TRIO: variants seen among roughly 807,000 people sequenced by gnomAD.
TRIO encodes the protein trio Rho guanine nucleotide exchange factor.
TRIO carries 58 observed loss-of-function variants against 351.9 expected under a neutral mutation model. That is an observed-to-expected ratio of 0.16 (90% CI 0.13 to 0.21). The LOEUF is 0.21. Ranked by LOEUF, TRIO falls within the 10% of genes least tolerant of loss-of-function variation. The pLI, the probability that TRIO is intolerant of heterozygous loss-of-function variation, is 1.00. For missense variants in TRIO, 3,201 were observed against 4,027.8 expected (o/e 0.79, Z 5.56); for synonymous variants, 1,758 against 1,595.7 (o/e 1.10, Z -2.42).
intron 9 of TRIO, among the ~76,000 whole-genome samples, chr5:14,330,451 C>T (rs796233330): frequency 6.6e-6 from 1 of 152,280 alleles, no homozygotes; most frequent in African/African-American, 2.4e-5. Flanking sequence ...TTATACAATA[C>T]CCAGTCAGTT....
rs187555877 is a variant in TRIO, at chr5:14,456,065, T to C, written c.5204-4954T>C. Among the ~76,000 whole-genome samples the C allele has an allele frequency of 3.4e-3, 512 of 152,320 alleles. 2 individuals carry two copies. The highest frequency in any genetic ancestry group is 0.012 in the African/African-American group (485 of 41,588). On this transcript the variant is annotated intron_variant, in intron 34 of 56. Coordinates refer to ENST00000344204, the MANE Select transcript of TRIO (RefSeq NM_007118.4). ...TCAAGCGCGGTGCGGGCGGGCTGGC[T>C]GGCAGTGCTGGGGGACCCGGCACAC...
chr5:14,405,835 A>C lies in TRIO; in HGVS notation c.4717-13A>C, dbSNP rs1018147906. 1 of 1,613,214 alleles carries C rather than the reference A, an allele frequency of 6.2e-7. No homozygotes were observed. Among genetic ancestry groups the C allele is most frequent in the Non-Finnish European group, 8.5e-7 (1 of 1,179,244 alleles). On this transcript the variant is annotated splice_polypyrimidine_tract_variant and intron_variant, in intron 31 of 56. Coordinates refer to ENST00000344204, the MANE Select transcript of TRIO (RefSeq NM_007118.4). Reference sequence around the variant, plus strand: ...CCGTTCCGTATCCTAAGCAACGCTAACACCTTGTTAAGGCTTCCAGCATAG... The same window carrying C: ...CCGTTCCGTATCCTAAGCAACGCTACCACCTTGTTAAGGCTTCCAGCATAG...
At chr5:14,302,020 C>G (rs1183833287) in intron 7 of TRIO, among the ~76,000 whole-genome samples, 1 of 152,338 alleles carries the variant, frequency 6.6e-6, no homozygotes, top group East Asian at 1.9e-4. Context: ...AGCACACCAT[C>G]CTTCCCTGGC....
chr5:14,242,262 A>G (rs938132803), intron 1 of TRIO, among the ~76,000 whole-genome samples: 3 of 152,152 alleles, frequency 2.0e-5, no homozygotes, highest in Admixed American at 6.5e-5. Flanking sequence ...TCTTTTCTCC[A>G]TTTCTTTACT....
chr5:14,402,470 C>T (rs1748157846), intron 31 of TRIO, among the ~76,000 whole-genome samples: 1 of 152,116 alleles, frequency 6.6e-6, no homozygotes, highest in Admixed American at 6.5e-5. Context: ...GGGATTGCTG[C>T]ATGGTGTTGG....
intron 18 of TRIO, among the ~76,000 whole-genome samples, chr5:14,372,009 GTA>G (rs756851033): frequency 1.1e-4 from 17 of 151,978 alleles, no homozygotes; most frequent in Non-Finnish European, 1.5e-5. Context: ...ATTTGGTTGG[GTA>G]TGTCTTTTGA....
intron 11 of TRIO, among the ~76,000 whole-genome samples, chr5:14,343,129 T>C (rs1031021419): frequency 6.8e-6 from 1 of 145,992 alleles, no homozygotes; most frequent in Non-Finnish European, 1.5e-5. Context: ...GACAAGGAGG[T>C]CCCATGCATC....
Position 14,358,768 on chromosome 5 carries a change from C to T in TRIO, c.2216+421C>T, listed in dbSNP as rs187801939. 3.0e-4 allele frequency among the ~76,000 whole-genome samples: 45 copies of T among 152,280 alleles called. No homozygotes were observed. The East Asian group carries it at 7.5e-3, about 25-fold the overall frequency. On this transcript the variant is annotated intron_variant, in intron 12 of 56. Coordinates refer to ENST00000344204, the MANE Select transcript of TRIO (RefSeq NM_007118.4). ...CAGGCCTGCATGGGGCGGACACCCA[C>T]CCCCAAGTGCTCTTCAAAGCAGGAT... is the stretch of plus-strand genomic sequence containing the variant.
At chr5:14,373,356 G>A (rs951117035) in intron 18 of TRIO, among the ~76,000 whole-genome samples, 5 of 152,156 alleles carry the variant, frequency 3.3e-5, no homozygotes, top group Non-Finnish European at 5.9e-5. Flanking sequence ...TCTGGAAACA[G>A]TGACCAACCC....
At chr5:14,495,274 C>T (rs1049326652) in intron 49 of TRIO, among the ~76,000 whole-genome samples, 5 of 152,088 alleles carry the variant, frequency 3.3e-5, no homozygotes, top group African/African-American at 7.2e-5. Context: ...CTTAGGGGTG[C>T]GCAGAGAAAG....
chr5:14,305,490 T>G (rs1181847017), intron 8 of TRIO, among the ~76,000 whole-genome samples: 1 of 152,224 alleles, frequency 6.6e-6, no homozygotes, highest in Admixed American at 6.5e-5. Context: ...ATATCTACAG[T>G]GTTCTATGTT....
chr5:14,388,541 TA>T, intron 23 of TRIO, 71 bp from the exon 24 acceptor site: 1 of 1,430,698 alleles, frequency 7.0e-7, no homozygotes, highest in Non-Finnish European at 9.7e-7. Flanking sequence ...TGTTATTTCA[TA>T]AATCCATAAA....
intron 27 of TRIO, among the ~76,000 whole-genome samples, chr5:14,393,555 G>A (rs969286777): frequency 5.3e-5 from 8 of 152,172 alleles, no homozygotes; most frequent in Non-Finnish European, 7.4e-5. Context: ...CTTTGATTAT[G>A]CTTCTTACCA....
chr5:14,377,791 T>A (rs1745695117), intron 19 of TRIO, among the ~76,000 whole-genome samples: 1 of 152,194 alleles, frequency 6.6e-6, no homozygotes, highest in Non-Finnish European at 1.5e-5. Context: ...TGACGTTAAA[T>A]TTCCAGTGGT....
intron 3 of TRIO, among the ~76,000 whole-genome samples, chr5:14,282,670 A>C (rs565617986): frequency 3.7e-4 from 57 of 152,310 alleles, no homozygotes; most frequent in Non-Finnish European, 6.3e-4. Flanking sequence ...AGCGTTTATC[A>C]GATTTTGCCA....
chr5:14,461,975 A>T (rs1399040769), intron 35 of TRIO, among the ~76,000 whole-genome samples: 1 of 152,212 alleles, frequency 6.6e-6, no homozygotes, highest in Non-Finnish European at 1.5e-5. Flanking sequence ...ATTGCAAGAA[A>T]CAGAATTCCT....
At chr5:14,151,641 A>G (rs1261898086) in intron 1 of TRIO, among the ~76,000 whole-genome samples, 1 of 152,190 alleles carries the variant, frequency 6.6e-6, no homozygotes, top group Non-Finnish European at 1.5e-5. Flanking sequence ...TGCATATGAG[A>G]AGTCGTTAAG....
chr5:14,435,569 A>C (rs929202266), intron 34 of TRIO, among the ~76,000 whole-genome samples: 2 of 152,232 alleles, frequency 1.3e-5, no homozygotes, highest in African/African-American at 2.4e-5. Flanking sequence ...GTTCTTGCCT[A>C]CAACACTATA....
intron 34 of TRIO, chr5:14,440,952 G>C (rs1321226581): frequency 1.3e-5 from 2 of 152,216 alleles, no homozygotes; most frequent in African/African-American, 4.8e-5. Flanking sequence ...CAGTGTGGTA[G>C]AATGAAATCC....
Sources: gnomAD v4.1 joint callset for allele counts (sites outside exome capture counted in the v4.1 genomes callset) on GRCh38, gnomAD v4.1.1 for gene constraint, MANE v1.5 for transcripts, NCBI Gene and HGNC (gene_info 2026-07-23, HGNC 2026-07-21) for gene names.